TBC1D12: variants seen among roughly 807,000 people sequenced by gnomAD.
TBC1D12 encodes the protein TBC1 domain family member 12.
TBC1D12 carries 56 observed loss-of-function variants against 86.7 expected under a neutral mutation model. That is an observed-to-expected ratio of 0.65 (90% CI 0.52 to 0.81). The LOEUF (loss-of-function observed/expected upper bound fraction) is 0.81, where lower values mean the gene tolerates loss of function less well. TBC1D12 is among the 30% of genes least tolerant of loss of function. The pLI, the probability that TBC1D12 is intolerant of heterozygous loss-of-function variation, is 0.00. For synonymous variants in TBC1D12, 421 were observed against 411.7 expected (o/e 1.02, Z -0.27); for missense variants, 1,023 against 1,038.8 (o/e 0.98, Z 0.21).
At chr10:94,447,727 T>C (rs1026286070) in intron 2 of TBC1D12, 1 of 974,176 alleles carries the variant, frequency 1.0e-6, no homozygotes, top group African/African-American at 1.8e-5. Context: ...AGTTATATCG[T>C]AGTTCAGTTG....
intron 1 of TBC1D12, among the ~76,000 whole-genome samples, chr10:94,431,095 AAGATGT>A (rs1472645532): frequency 6.6e-6 from 1 of 152,168 alleles, no homozygotes; most frequent in Non-Finnish European, 1.5e-5. Flanking sequence ...ATGTGCTAAC[AAGATGT>A]ATCACAGAAT....
intron 2 of TBC1D12, among the ~76,000 whole-genome samples, chr10:94,447,075 AAC>A (rs1554937872): frequency 2.0e-5 from 3 of 151,558 alleles, no homozygotes; most frequent in African/African-American, 7.3e-5. Flanking sequence ...AAAAAAAAAA[AAC>A]CTTTTTTATG....
Position 94,465,720 on chromosome 10 carries a change from A to G in TBC1D12, c.1096-8948A>G, listed in dbSNP as rs1035980133. On this transcript the variant is annotated intron_variant, in intron 2 of 12. Transcript: ENST00000225235. Reference sequence around the variant, plus strand: ...TGTACATATATACGTATACGTATACATACATACATACATACGTATACATAC... The same window carrying G: ...TGTACATATATACGTATACGTATACGTACATACATACATACGTATACATAC... 4.2e-4 allele frequency among the ~76,000 whole-genome samples: 23 copies of G among 54,270 alleles called. No individual in the cohort carries two copies. In the East Asian group the frequency reaches 0.013, roughly 31 times the overall value. The allele number at this position is 54,270 out of a possible 152,430, so 35.6% of individuals were successfully genotyped here.
intron 1 of TBC1D12, among the ~76,000 whole-genome samples, chr10:94,412,225 C>A (rs1327219758): frequency 6.6e-6 from 1 of 152,124 alleles, no homozygotes; most frequent in African/African-American, 2.4e-5. Flanking sequence ...ATTTTACATT[C>A]TTTGTTTTAA....
At chr10:94,523,972 A>G (rs977592747) in intron 11 of TBC1D12, among the ~76,000 whole-genome samples, 4 of 152,232 alleles carry the variant, frequency 2.6e-5, no homozygotes, top group African/African-American at 9.6e-5. Context: ...CTATTAAAAA[A>G]AAATTATGTA....
rs773414104 is a variant in TBC1D12, at chr10:94,402,727, C to T, written c.114C>T (p.Gly38=). 70 of 1,569,176 alleles carry T rather than the reference C, an allele frequency of 4.5e-5. No homozygotes were observed. In the Middle Eastern group the frequency reaches 1.6e-3, roughly 35 times the overall value. The change falls in exon 1 of 13, where the codon GGC becomes GGT. Residue 38 remains glycine (G), a synonymous_variant. Coordinates refer to ENST00000225235, the MANE Select transcript of TBC1D12 (RefSeq NM_015188.2). The part of the protein sequence containing the change: ...QDRKVIRATG[G]FGGGVGAVEP... ...GGAAGGTAATCCGGGCCACGGGCGGCTTTGGCGGAGGCGTCGGCGCTGTGG... is the reference window on the plus strand; with the variant it reads ...GGAAGGTAATCCGGGCCACGGGCGGTTTTGGCGGAGGCGTCGGCGCTGTGG...
chr10:94,475,418 T>C (rs1489310580), intron 3 of TBC1D12, among the ~76,000 whole-genome samples: 2 of 152,136 alleles, frequency 1.3e-5, no homozygotes, highest in African/African-American at 4.8e-5. Flanking sequence ...TTTGTTTGTT[T>C]TGTTTTATTT....
intron 11 of TBC1D12, among the ~76,000 whole-genome samples, chr10:94,530,521 T>C (rs1415220470): frequency 2.6e-5 from 4 of 152,236 alleles, no homozygotes; most frequent in Admixed American, 6.5e-5. Flanking sequence ...TAGCATTTCT[T>C]ACATGCCAAA....
At chr10:94,435,207 T>C (rs1312070828) in intron 1 of TBC1D12, among the ~76,000 whole-genome samples, 2 of 152,230 alleles carry the variant, frequency 1.3e-5, no homozygotes, top group Non-Finnish European at 2.9e-5. Context: ...AGGACTTTGC[T>C]TAGGATTCGT....
At chr10:94,409,647 A>G (rs1459988016) in intron 1 of TBC1D12, among the ~76,000 whole-genome samples, 1 of 152,162 alleles carries the variant, frequency 6.6e-6, no homozygotes, top group Non-Finnish European at 1.5e-5. Context: ...AAGTGCTAGG[A>G]TTATAGGCAT....
intron 12 of TBC1D12, among the ~76,000 whole-genome samples, chr10:94,531,759 T>TTATTTTATG (rs1564996741): frequency 5.7e-4 from 38 of 66,570 alleles, no homozygotes; most frequent in Admixed American, 2.0e-4. Context: ...GTTATTTTAT[T>TTATTTTATG]TTATTTTATT....
At chr10:94,519,386 A>G (rs917843854) in intron 9 of TBC1D12, among the ~76,000 whole-genome samples, 4 of 152,120 alleles carry the variant, frequency 2.6e-5, no homozygotes, top group Non-Finnish European at 4.4e-5. Context: ...CCACAAACTT[A>G]GTGGCTTTAA....
intron 6 of TBC1D12, among the ~76,000 whole-genome samples, chr10:94,506,037 T>C (rs2056455856): frequency 8.2e-6 from 1 of 121,716 alleles, no homozygotes; most frequent in Non-Finnish European, 1.7e-5. Flanking sequence ...TTGTACTTTT[T>C]GAAATTTTTT....
rs1014094466 is a variant in TBC1D12, at chr10:94,500,840, G to A, written c.1519+513G>A. Among the ~76,000 whole-genome samples the A allele has an allele frequency of 2.0e-5, 3 of 151,994 alleles. No individual in the cohort carries two copies. In the South Asian group the frequency reaches 6.2e-4, roughly 31 times the overall value. On this transcript the variant is annotated intron_variant, in intron 6 of 12. Transcript: ENST00000225235. Reference sequence around the variant, plus strand: ...GGAGGCCAAGGCAAGTGGATCACCTGAAGTCAGGAGTTCAAGACCAGCCCA... The same window carrying A: ...GGAGGCCAAGGCAAGTGGATCACCTAAAGTCAGGAGTTCAAGACCAGCCCA...
Position 94,500,276 on chromosome 10 carries a change from C to A in TBC1D12, c.1468C>A (p.Arg490Ser). 1.9e-6 allele frequency: 3 copies of A among 1,613,820 alleles called. No homozygotes were observed. The highest frequency in any genetic ancestry group is 2.5e-6 in the Non-Finnish European group (3 of 1,179,902). The change falls in exon 6 of 13, where the codon CGT becomes AGT. Residue 490 changes from arginine to serine, a missense_variant. Arg to Ser is a moderately radical substitution (Grantham distance 110). Transcript: ENST00000225235. ...LWWQGLPPSV[R>S]GKVWSLAVGN... The stretch of plus-strand genomic sequence containing the variant: ...GTGGCAGGGATTGCCCCCTAGTGTC[C>A]GTGGGAAAGTTTGGAGTCTAGCTGT...
intron 1 of TBC1D12, among the ~76,000 whole-genome samples, chr10:94,427,521 C>G (rs1404101381): frequency 1.3e-5 from 2 of 152,002 alleles, no homozygotes; most frequent in Non-Finnish European, 2.9e-5. Context: ...ATTTTGTTCT[C>G]TCCTGCTGCA....
intron 2 of TBC1D12, among the ~76,000 whole-genome samples, chr10:94,456,937 C>G (rs150447434): frequency 6.6e-5 from 10 of 152,276 alleles, no homozygotes; most frequent in African/African-American, 2.4e-4. Flanking sequence ...TTCCTGATAA[C>G]TTTCCTTGCT....
Position 94,522,444 on chromosome 10 carries a change from T to G in TBC1D12, c.1991T>G (p.Leu664Trp). ...KSYSLTPDIYLIDWIFTLYSK... is the reference protein window; with the variant it reads ...KSYSLTPDIYWIDWIFTLYSK... ...TACAGTCTTACACCAGATATATACT[T>G]GATAGACTGGTAAGTCATAACATAC... Residue 664 changes from leucine (L) to tryptophan (W), a missense_variant, in exon 11 of 13, where the codon TTG becomes TGG. Physicochemically the swap from Leu to Trp is moderately conservative, Grantham distance 61. Around this residue, in one of 2 missense-constraint regions of TBC1D12, gnomAD observed 395 missense variants for 507.7 expected, o/e 0.78. Coordinates refer to ENST00000225235, the MANE Select transcript of TBC1D12 (RefSeq NM_015188.2). 1 of 1,262,874 alleles carries G rather than the reference T, an allele frequency of 7.9e-7. No individual in the cohort carries two copies. The highest frequency in any genetic ancestry group is 1.1e-6 in the Non-Finnish European group (1 of 907,938). The allele number at this position is 1,262,874 out of a possible 1,614,324, so 78.2% of individuals were successfully genotyped here.
intron 1 of TBC1D12, among the ~76,000 whole-genome samples, chr10:94,433,562 A>G (rs1564944087): frequency 6.6e-6 from 1 of 152,214 alleles, no homozygotes; most frequent in Non-Finnish European, 1.5e-5. Context: ...ATGTGAGAAT[A>G]TGTTTGGTAA....
Sources: gnomAD v4.1 joint callset for allele counts (sites outside exome capture counted in the v4.1 genomes callset) on GRCh38, gnomAD v4.1.1 for gene constraint, gnomAD v4.1.1 regional missense constraint, MANE v1.5 for transcripts, NCBI Gene and HGNC (gene_info 2026-07-23, HGNC 2026-07-21) for gene names.